STOX2: variants seen among roughly 807,000 people sequenced by gnomAD.
The protein encoded by STOX2 is storkhead box 2.
In STOX2, 28 loss-of-function variants were observed where a neutral mutation model predicts 60.9. The observed-to-expected ratio is 0.46, with a 90% CI of 0.34 to 0.63. The LOEUF (loss-of-function observed/expected upper bound fraction) is 0.63. Ranked by LOEUF, STOX2 falls within the 30% of genes least tolerant of loss-of-function variation. The probability of loss-of-function intolerance (pLI) is 0.01; values close to 1 mark genes in which losing one functional copy is unlikely to be tolerated. For missense variants in STOX2, 1,024 were observed against 1,187.7 expected (o/e 0.86, Z 2.03); for synonymous variants, 472 against 463.9 (o/e 1.02, Z -0.22).
chr4:184,009,528 T>C lies in STOX2; in HGVS notation c.690T>C (p.Ser230=). ...GCAAAGACCCTTACTGTCCCCCTTC[T>C]CTGTGCCAGGTGCCACCCACTGAAA... ...KDCKDPYCPP[S]LCQVPPTEKS... Residue 230 remains serine (S), a synonymous_variant, in exon 3 of 4, where the codon TCT becomes TCC. Transcript: ENST00000308497. This position sits in a 1 kb window ranked among gnomAD's most constrained non-coding sequence, Gnocchi z 4.0. 4 of 1,614,042 alleles carry C rather than the reference T, an allele frequency of 2.5e-6. No homozygotes were observed. The highest frequency in any genetic ancestry group is 3.4e-6 in the Non-Finnish European group (4 of 1,179,886).
intron 1 of STOX2, among the ~76,000 whole-genome samples, chr4:183,810,867 G>T (rs2111100412): frequency 6.6e-6 from 1 of 152,116 alleles, no homozygotes; most frequent in South Asian, 2.1e-4. Flanking sequence ...ACCAATCTGT[G>T]GTATTCTGTT....
At chr4:183,810,053 A>T (rs887437038) in intron 1 of STOX2, among the ~76,000 whole-genome samples, 2 of 152,198 alleles carry the variant, frequency 1.3e-5, no homozygotes, top group Non-Finnish European at 2.9e-5. Context: ...TGCCATTTTT[A>T]CCTATGAAGA....
chr4:184,009,892 C>T lies in STOX2; in HGVS notation c.1054C>T (p.His352Tyr), dbSNP rs1306589724. 1 of 1,612,230 alleles carries T rather than the reference C, an allele frequency of 6.2e-7. No individual in the cohort carries two copies. Among genetic ancestry groups the T allele is most frequent in the East Asian group, 2.2e-5 (1 of 44,812 alleles). The change falls in exon 3 of 4, where the codon CAT becomes TAT. Residue 352 changes from histidine (H) to tyrosine (Y), a missense_variant. Physicochemically the swap from His to Tyr is moderately conservative, Grantham distance 83. Around this residue, in one of 3 missense-constraint regions of STOX2, gnomAD observed 922 missense variants for 1,058.3 expected, o/e 0.87. Transcript: ENST00000308497. The surrounding 1 kb of genome is among the most constrained non-coding windows in gnomAD (Gnocchi z 4.0). ...GAGGAGTAAAGCCGGGTCCTCTGCC[C>T]ATCACAGCGGAAGGAGTAAAAAGAG... ...AQRSKAGSSA[H>Y]HSGRSKKSRT...
At position 184,010,797 on chromosome 4, in the gene STOX2, C is replaced by A; in HGVS notation, c.1959C>A (p.His653Gln). The change falls in exon 3 of 4, where the codon CAC becomes CAA. Residue 653 changes from histidine to glutamine, a missense_variant. His to Gln is a conservative substitution (Grantham distance 24). Coordinates refer to ENST00000308497, the MANE Select transcript of STOX2 (RefSeq NM_020225.3). This position sits in a 1 kb window ranked among gnomAD's most constrained non-coding sequence, Gnocchi z 4.5. ...ACTCCTCCAGGGAGCCTGTGGGGCA[C>A]AAGGAGGAGTCACCAAAAGGGCCGG... ...VPHSSREPVG[H>Q]KEESPKGPGG... The A allele has an allele frequency of 6.3e-7, 1 of 1,582,244 alleles. No individual in the cohort carries two copies. The highest frequency in any genetic ancestry group is 1.2e-5 in the South Asian group (1 of 84,442).
chr4:183,823,650 C>G (rs550487557), intron 1 of STOX2, among the ~76,000 whole-genome samples: 1 of 152,216 alleles, frequency 6.6e-6, no homozygotes, highest in Non-Finnish European at 1.5e-5. Context: ...CAGCAAAGCA[C>G]GTCCTCATAG....
At chr4:183,876,238 C>A (rs533149850) in intron 1 of STOX2, among the ~76,000 whole-genome samples, 8 of 152,202 alleles carry the variant, frequency 5.3e-5, no homozygotes, top group Non-Finnish European at 1.2e-4. Flanking sequence ...GACTCCCAGG[C>A]GGTCTGATGC....
At chr4:183,818,702 G>A (rs979601088) in intron 1 of STOX2, among the ~76,000 whole-genome samples, 6 of 151,526 alleles carry the variant, frequency 4.0e-5, no homozygotes, top group South Asian at 2.1e-4. Flanking sequence ...CCTCCCGGAC[G>A]GGGTAGCCGG....
In STOX2 at chr4:184,019,370, T is replaced by C. The variant is rs1178685151; in HGVS notation, c.*2086T>C. ...CATAGTTGGTTCCCTTGGGGAGTTATATATCATACAGTTACTAAATATTTG... is the reference window on the plus strand; with the variant it reads ...CATAGTTGGTTCCCTTGGGGAGTTACATATCATACAGTTACTAAATATTTG... On this transcript the variant is annotated 3_prime_UTR_variant, in exon 4 of 4. Transcript: ENST00000308497. The C allele has an allele frequency of 6.6e-6, 1 of 152,248 alleles. No homozygotes were observed. Among genetic ancestry groups the C allele is most frequent in the African/African-American group, 2.4e-5 (1 of 41,468 alleles). 9.4% of individuals were successfully genotyped at this position (152,248 alleles called of 1,614,324 possible).
intron 1 of STOX2, among the ~76,000 whole-genome samples, chr4:183,919,720 C>T (rs1425009955): frequency 6.6e-6 from 1 of 152,076 alleles, no homozygotes; most frequent in Admixed American, 6.5e-5. Flanking sequence ...ATCCTCCCCC[C>T]TCGGCCTCCC....
chr4:183,970,676 G>A (rs766912949), intron 1 of STOX2, among the ~76,000 whole-genome samples: 2 of 152,202 alleles, frequency 1.3e-5, no homozygotes, highest in Non-Finnish European at 2.9e-5. Flanking sequence ...CTTCTTCTCT[G>A]TCCCCACTGG....
In STOX2 at chr4:183,976,987, T is replaced by C. The variant is rs73008347; in HGVS notation, c.167-24338T>C. ...TCCTAGAATGGCATTGCCAGTTAGA[T>C]GCAAGATTGTATAGCCAGTCTGGAA... On this transcript the variant is annotated intron_variant, in intron 1 of 3. Transcript: ENST00000308497. 8.6e-3 allele frequency among the ~76,000 whole-genome samples: 1,309 copies of C among 152,348 alleles called. 27 individuals are homozygous for C. Among genetic ancestry groups the C allele is most frequent in the African/African-American group, 0.03 (1,229 of 41,576 alleles).
intron 1 of STOX2, among the ~76,000 whole-genome samples, chr4:183,940,344 C>T (rs1249337647): frequency 6.6e-6 from 1 of 152,154 alleles, no homozygotes; most frequent in Admixed American, 6.5e-5. Flanking sequence ...TTAGTGAGAC[C>T]CAAACGACTA....
rs147221859 is a variant in STOX2, at chr4:183,823,753, G to C, written c.364+25698G>C. 7.2e-5 allele frequency among the ~76,000 whole-genome samples: 11 copies of C among 152,344 alleles called. 1 individual carries two copies. The East Asian group carries it at 2.1e-3, about 29-fold the overall frequency. On this transcript the variant is annotated intron_variant, in intron 1 of 2. Coordinates refer to the STOX2 transcript ENST00000513034. ...CCGCGGGTTTGAAAACTTACCTGAT[G>C]AGCAGAGGCCTTTCAATTCCAAAGA... is the stretch of plus-strand genomic sequence containing the variant.
At chr4:183,864,955 G>A (rs551150157) in intron 1 of STOX2, among the ~76,000 whole-genome samples, 3 of 152,194 alleles carry the variant, frequency 2.0e-5, no homozygotes, top group African/African-American at 2.4e-5. Flanking sequence ...TTCTTACCCA[G>A]CAAATCTAAA....
At chr4:183,943,356 GT>G (rs1489234641) in intron 1 of STOX2, among the ~76,000 whole-genome samples, 14 of 152,088 alleles carry the variant, frequency 9.2e-5, no homozygotes, top group Non-Finnish European at 1.6e-4. Flanking sequence ...AATTTGCATA[GT>G]TTTTCTAGAA....
chr4:183,813,057 C>T (rs1322475274), intron 1 of STOX2, among the ~76,000 whole-genome samples: 1 of 152,070 alleles, frequency 6.6e-6, no homozygotes, highest in African/African-American at 2.4e-5. Context: ...CAGCCAATGG[C>T]AGATGGAAAA....
In STOX2 at chr4:183,968,550, T is replaced by C. The variant is rs551421013; in HGVS notation, c.167-32775T>C. Reference sequence around the variant, plus strand: ...CTGGCCAGAATTTACTAAGTACTGGTCCAGCTGTTGTCTACCTGCTCCCAG... The same window carrying C: ...CTGGCCAGAATTTACTAAGTACTGGCCCAGCTGTTGTCTACCTGCTCCCAG... On this transcript the variant is annotated intron_variant, in intron 1 of 3. Transcript: ENST00000308497. 4.6e-5 allele frequency among the ~76,000 whole-genome samples: 7 copies of C among 152,294 alleles called. No individual in the cohort carries two copies. In the South Asian group the frequency reaches 1.0e-3, roughly 23 times the overall value.
chr4:183,998,069 T>G (rs1478143904), intron 1 of STOX2, among the ~76,000 whole-genome samples: 1 of 152,252 alleles, frequency 6.6e-6, no homozygotes, highest in Non-Finnish European at 1.5e-5. Context: ...AGTTTCCTCT[T>G]ATGACCTATA....
rs753268435 is a variant in STOX2 at position 183,955,539 on chromosome 4, G to A, written c.167-45786G>A. The stretch of plus-strand genomic sequence containing the variant: ...CGCCCTGTCCTCCTCCTCTGATCGG[G>A]ACTAGTAGCTTTTAAGGCTGGCTAA... On this transcript the variant is annotated intron_variant, in intron 1 of 3. Transcript: ENST00000308497. Among the ~76,000 whole-genome samples, 3 of 152,208 alleles carry A rather than the reference G, an allele frequency of 2.0e-5. No homozygotes were observed. In the South Asian group the frequency reaches 6.2e-4, roughly 32 times the overall value.
Sources: allele counts gnomAD v4.1 joint callset (sites outside exome capture counted in the v4.1 genomes callset), GRCh38; gene constraint gnomAD v4.1.1; regional missense constraint gnomAD v4.1.1; non-coding constraint Gnocchi (gnomAD v3.1); transcripts MANE v1.5; gene names NCBI Gene and HGNC (gene_info 2026-07-23, HGNC 2026-07-21).